The following CACNA2D3 variants were observed in gnomAD, a reference collection of about 807,000 sequenced individuals.
CACNA2D3 encodes calcium voltage-gated channel auxiliary subunit alpha2delta 3.
Under a neutral mutation model 160.6 loss-of-function variants are expected in CACNA2D3, and 60 were observed. The ratio of observed to expected loss-of-function variants is 0.37; its 90% confidence interval spans 0.30 to 0.46. CACNA2D3 has a LOEUF of 0.46. Among genes scored for constraint, CACNA2D3 ranks in the 20% least tolerant of loss-of-function variants. CACNA2D3 has a pLI of 1.00. For synonymous variants in CACNA2D3, 558 were observed against 492.9 expected (o/e 1.13, Z -1.75); for missense variants, 1,205 against 1,365.0 (o/e 0.88, Z 1.85).
chr3:54,775,611 C>T lies in CACNA2D3; in HGVS notation c.1380+11260C>T, dbSNP rs374523372. Among the ~76,000 whole-genome samples the T allele has an allele frequency of 1.9e-4, 29 of 152,172 alleles. No homozygotes were observed. The East Asian group carries it at 4.6e-3, about 24-fold the overall frequency. On this transcript the variant is annotated intron_variant, in intron 13 of 37. Transcript: ENST00000474759. The stretch of plus-strand genomic sequence containing the variant: ...TTACAACAGAGTGCTGGGTTGAGTC[C>T]AGTTAGGAAAGATGGCTATGGGGAT...
At chr3:54,403,074 A>T (rs547275498) in intron 4 of CACNA2D3, among the ~76,000 whole-genome samples, 4 of 152,132 alleles carry the variant, frequency 2.6e-5, no homozygotes, top group Non-Finnish European at 4.4e-5. Context: ...TCTTAGCAAT[A>T]TCTTGGCCAG....
chr3:54,832,924 G>T (rs1256602398), intron 14 of CACNA2D3, among the ~76,000 whole-genome samples: 1 of 152,190 alleles, frequency 6.6e-6, no homozygotes, highest in Non-Finnish European at 1.5e-5. Flanking sequence ...GTCCTGTGTT[G>T]TTATACTCTC....
chr3:54,841,017 G>A (rs1215961160), intron 16 of CACNA2D3, among the ~76,000 whole-genome samples: 3 of 151,782 alleles, frequency 2.0e-5, no homozygotes, highest in Non-Finnish European at 2.9e-5. Flanking sequence ...CCACCGTGCC[G>A]GGCCCCAAGA....
rs1559595876 is a variant in CACNA2D3 at position 54,822,836 on chromosome 3, C to CTTTCTTTCTTTCT, written c.1398+5969_1398+5981dup. Reference sequence around the variant, plus strand: ...CTTTCTTTCTTTCTTTCTTTCTTTTCTTTCTTTCTTTCTTTCTTTCTTTCT... The same window carrying CTTTCTTTCTTTCT: ...CTTTCTTTCTTTCTTTCTTTCTTTTCTTTCTTTCTTTCTTTTCTTTCTTTCTTTCTTTCTTTCT... On this transcript the variant is annotated intron_variant, in intron 14 of 37. Coordinates refer to ENST00000474759, the MANE Select transcript of CACNA2D3 (RefSeq NM_018398.3). Among the ~76,000 whole-genome samples, 101 of 82,854 alleles carry CTTTCTTTCTTTCT rather than the reference C, an allele frequency of 1.2e-3. 3 individuals carry two copies. Among genetic ancestry groups the CTTTCTTTCTTTCT allele is most frequent in the Middle Eastern group, 5.6e-3 (1 of 178 alleles). 54.4% of individuals were successfully genotyped at this position (82,854 alleles called of 152,430 possible).
rs973220425 is a variant in CACNA2D3 at position 54,466,426 on chromosome 3, A to T, written c.382-37066A>T. 1.2e-4 allele frequency among the ~76,000 whole-genome samples: 18 copies of T among 152,308 alleles called. No homozygotes were observed. In the South Asian group the frequency reaches 3.7e-3, roughly 32 times the overall value. On this transcript the variant is annotated intron_variant, in intron 4 of 37. Coordinates refer to ENST00000474759, the MANE Select transcript of CACNA2D3 (RefSeq NM_018398.3). ...ATTGTTGTAAAGAAACCCACAAGCT[A>T]ACAGAGAAAAGGAAAACAAAACAGT...
chr3:54,872,868 T>G (rs1235920626), intron 18 of CACNA2D3, among the ~76,000 whole-genome samples: 1 of 152,142 alleles, frequency 6.6e-6, no homozygotes, highest in Admixed American at 6.5e-5. Flanking sequence ...AATAGCATGG[T>G]CGAGTTTTCT....
chr3:54,529,370 C>CCT (rs1184331531), intron 5 of CACNA2D3, among the ~76,000 whole-genome samples: 1 of 152,168 alleles, frequency 6.6e-6, no homozygotes, highest in African/African-American at 2.4e-5. Flanking sequence ...AGCCTGTATG[C>CCT]CTCGGACAAG....
chr3:55,072,246 A>ATAAC (rs1171371604), intron 35 of CACNA2D3, among the ~76,000 whole-genome samples: 1 of 152,216 alleles, frequency 6.6e-6, no homozygotes. Flanking sequence ...CCCTGTGAAC[A>ATAAC]TAACTGTGGA....
chr3:54,190,436 C>G (rs943138526), intron 2 of CACNA2D3, among the ~76,000 whole-genome samples: 5 of 152,194 alleles, frequency 3.3e-5, no homozygotes, highest in African/African-American at 1.2e-4. Context: ...AAAGGTTGTG[C>G]TCTAGGTGAG....
intron 3 of CACNA2D3, 21 bp from the exon 4 acceptor site, chr3:54,386,692 CTG>C: frequency 1.9e-6 from 2 of 1,060,410 alleles, no homozygotes; most frequent in East Asian, 5.4e-5. Context: ...ATGCTGTCTT[CTG>C]TTTTTTTTTT....
intron 11 of CACNA2D3, among the ~76,000 whole-genome samples, chr3:54,646,196 T>TCCCTCCC (rs1559538009): frequency 0.01 from 80 of 7,814 alleles, 3 homozygotes; most frequent in East Asian, 0.013. Flanking sequence ...CCTTCCTTGC[T>TCCCTCCC]TCCTTCCTTC....
At chr3:54,257,585 T>C (rs1702322204) in intron 2 of CACNA2D3, among the ~76,000 whole-genome samples, 1 of 152,202 alleles carries the variant, frequency 6.6e-6, no homozygotes, top group African/African-American at 2.4e-5. Flanking sequence ...TCAGAGAGGA[T>C]GGTTTTCTTC....
intron 2 of CACNA2D3, among the ~76,000 whole-genome samples, chr3:54,124,961 G>A (rs1467411407): frequency 1.3e-5 from 2 of 152,182 alleles, no homozygotes; most frequent in African/African-American, 4.8e-5. Context: ...CTTTTAATCT[G>A]GACCAATCTG....
chr3:54,840,427 T>C (rs2106763110), intron 16 of CACNA2D3, among the ~76,000 whole-genome samples: 1 of 135,264 alleles, frequency 7.4e-6, no homozygotes, highest in Non-Finnish European at 1.6e-5. Context: ...TTTTTTTTTT[T>C]TGAGATGGAC....
At chr3:54,598,731 A>G (rs371226594) in intron 9 of CACNA2D3, among the ~76,000 whole-genome samples, 2 of 152,332 alleles carry the variant, frequency 1.3e-5, no homozygotes, top group East Asian at 3.9e-4. Context: ...ATGATTTCAC[A>G]AATATTTAGC....
intron 2 of CACNA2D3, among the ~76,000 whole-genome samples, chr3:54,308,025 A>G (rs148445455): frequency 4.5e-4 from 69 of 152,328 alleles, no homozygotes; most frequent in Middle Eastern, 6.8e-3. Flanking sequence ...ATAATTACAC[A>G]TACAAGTGCT....
At chr3:54,457,142 G>T (rs1346209589) in intron 4 of CACNA2D3, among the ~76,000 whole-genome samples, 1 of 151,624 alleles carries the variant, frequency 6.6e-6, no homozygotes, top group African/African-American at 2.4e-5. Flanking sequence ...GTTCATTGAG[G>T]TGTATAATTA....
chr3:54,525,892 G>A (rs1448815891), intron 5 of CACNA2D3, among the ~76,000 whole-genome samples: 1 of 151,666 alleles, frequency 6.6e-6, no homozygotes, highest in Non-Finnish European at 1.5e-5. Flanking sequence ...ATTTTAGAAA[G>A]TTTATATTCA....
At chr3:54,355,257 G>A (rs1050452126) in intron 3 of CACNA2D3, among the ~76,000 whole-genome samples, 1 of 152,196 alleles carries the variant, frequency 6.6e-6, no homozygotes, top group African/African-American at 2.4e-5. Flanking sequence ...GCTAAGATTA[G>A]GAATGTAGGT....
Sources: allele counts gnomAD v4.1 joint callset (sites outside exome capture counted in the v4.1 genomes callset), GRCh38; gene constraint gnomAD v4.1.1; transcripts MANE v1.5; gene names NCBI Gene and HGNC (gene_info 2026-07-23, HGNC 2026-07-21).